Variants in USP13 observed in about 807,000 individuals in gnomAD.
USP13 encodes the protein ubiquitin specific peptidase 13.
Under a neutral mutation model 107.8 loss-of-function variants are expected in USP13, and 68 were observed. That is an observed-to-expected ratio of 0.63 (90% confidence interval 0.52 to 0.77). The LOEUF (loss-of-function observed/expected upper bound fraction) is 0.77. USP13 is among the 30% of genes least tolerant of loss of function. USP13 has a pLI of 0.00. For missense variants in USP13, 945 were observed against 1,093.3 expected (o/e 0.86, Z 1.91); for synonymous variants, 377 against 389.5 (o/e 0.97, Z 0.38).
intron 8 of USP13, among the ~76,000 whole-genome samples, chr3:179,723,354 GC>G (rs1713394294): frequency 6.6e-6 from 1 of 152,216 alleles, no homozygotes; most frequent in African/African-American, 2.4e-5. Context: ...TAAGCAGTGT[GC>G]TGAGTGTGTG....
At chr3:179,728,361 T>G (rs1156524992) in intron 8 of USP13, among the ~76,000 whole-genome samples, 4 of 114,996 alleles carry the variant, frequency 3.5e-5, no homozygotes, top group East Asian at 2.8e-4. Flanking sequence ...AGGGCAGAGG[T>G]GCTCCCCACA....
chr3:179,784,244 T>G lies in USP13; in HGVS notation c.*103T>G. On this transcript the variant is annotated 3_prime_UTR_variant, in exon 21 of 21. Coordinates refer to ENST00000263966, the MANE Select transcript of USP13 (RefSeq NM_003940.3). The stretch of plus-strand genomic sequence containing the variant: ...TGAAACAACTAGACATGAAGGAATA[T>G]ATGGGGTATTTATCGTTTATTTAAA... 3.3e-5 allele frequency: 27 copies of G among 825,486 alleles called. No homozygotes were observed. The highest frequency in any genetic ancestry group is 4.9e-5 in the Non-Finnish European group (25 of 510,748). The allele number at this position is 825,486 out of a possible 1,614,324, so 51.1% of individuals were successfully genotyped here.
intron 3 of USP13, among the ~76,000 whole-genome samples, chr3:179,698,938 C>T (rs936616328): frequency 1.0e-4 from 15 of 149,648 alleles, no homozygotes; most frequent in Admixed American, 4.7e-4. Context: ...GGTGCAATCT[C>T]GGCTCACTGC....
intron 13 of USP13, among the ~76,000 whole-genome samples, chr3:179,750,302 GTGTATATATATATATATATGTGTGTA>G (rs1274405875): frequency 2.2e-4 from 24 of 111,050 alleles, no homozygotes; most frequent in Admixed American, 3.9e-4. Flanking sequence ...ATATATGTGT[GTGTATATATATATATATATGTGTGTA>G]TATATATATA....
intron 2 of USP13, among the ~76,000 whole-genome samples, chr3:179,688,320 G>A (rs1262931791): frequency 2.0e-5 from 3 of 152,074 alleles, no homozygotes; most frequent in Non-Finnish European, 2.9e-5. Context: ...TTCCTCAAAT[G>A]AACTGCTCAT....
intron 10 of USP13, among the ~76,000 whole-genome samples, chr3:179,734,875 A>G (rs1030653073): frequency 6.6e-6 from 1 of 152,200 alleles, no homozygotes; most frequent in African/African-American, 2.4e-5. Flanking sequence ...CTGTGATGTG[A>G]TAAAAGCCTC....
At chr3:179,718,603 C>T (rs781443836) in intron 6 of USP13, among the ~76,000 whole-genome samples, 10 of 152,138 alleles carry the variant, frequency 6.6e-5, no homozygotes, top group Non-Finnish European at 1.3e-4. Context: ...TCTCTTCTGT[C>T]CTCTTCACCA....
At chr3:179,668,919 A>C (rs1720662749) in intron 1 of USP13, among the ~76,000 whole-genome samples, 1 of 152,334 alleles carries the variant, frequency 6.6e-6, no homozygotes, top group South Asian at 2.1e-4. Context: ...TCTAGAAGCG[A>C]GAATATACTG....
chr3:179,765,651 G>C (rs754302127), intron 18 of USP13, 44 bp from the exon 19 acceptor site: 2 of 1,604,030 alleles, frequency 1.2e-6, no homozygotes, highest in Admixed American at 3.4e-5. Flanking sequence ...TGAGGCCTGA[G>C]GCTGCATGCA....
chr3:179,765,653 C>T (rs898760445), intron 18 of USP13, 42 bp from the exon 19 acceptor site: 4 of 1,604,754 alleles, frequency 2.5e-6, no homozygotes, highest in Non-Finnish European at 3.4e-6. Flanking sequence ...AGGCCTGAGG[C>T]TGCATGCATT....
chr3:179,680,448 A>G (rs1222108645), intron 1 of USP13, among the ~76,000 whole-genome samples: 1 of 152,222 alleles, frequency 6.6e-6, no homozygotes, highest in Non-Finnish European at 1.5e-5. Context: ...AGAATGCTCC[A>G]AAATCTGAAA....
chr3:179,762,302 C>T (rs571259348), intron 17 of USP13, among the ~76,000 whole-genome samples: 3 of 152,296 alleles, frequency 2.0e-5, no homozygotes, highest in Admixed American at 2.0e-4. Flanking sequence ...TCTGTTGGGT[C>T]GGGTTTGGTG....
Position 179,784,108 on chromosome 3 carries a change from C to T in USP13, c.2559C>T (p.Gly853=), listed in dbSNP as rs371360955. 1.8e-5 allele frequency: 29 copies of T among 1,612,580 alleles called. No homozygotes were observed. In the East Asian group the frequency reaches 2.0e-4, roughly 11 times the overall value. Residue 853 remains glycine (G), a synonymous_variant, in exon 21 of 21, where the codon GGC becomes GGT. Transcript: ENST00000263966. The stretch of plus-strand genomic sequence containing the variant: ...CAGAAAGGCCCCCTAAAGACCTGGG[C>T]TACATGTACTTTTACCGCAGGATAC... ...CASERPPKDL[G]YMYFYRRIPS
chr3:179,655,288 G>A (rs1002350373), intron 1 of USP13, among the ~76,000 whole-genome samples: 1 of 152,032 alleles, frequency 6.6e-6, no homozygotes, highest in Non-Finnish European at 1.5e-5. Flanking sequence ...ACAGGTGTGG[G>A]AAAAAAGGCT....
At chr3:179,668,909 T>C (rs1720662211) in intron 1 of USP13, among the ~76,000 whole-genome samples, 1 of 152,226 alleles carries the variant, frequency 6.6e-6, no homozygotes, top group Non-Finnish European at 1.5e-5. Flanking sequence ...TCTGGTTTGC[T>C]CTAGAAGCGA....
rs905210433 is a variant in USP13, at chr3:179,676,853, G to C, written c.169-5025G>C. Among the ~76,000 whole-genome samples, 4 of 152,150 alleles carry C rather than the reference G, an allele frequency of 2.6e-5. No individual in the cohort carries two copies. The South Asian group carries it at 8.3e-4, about 32-fold the overall frequency. On this transcript the variant is annotated intron_variant, in intron 1 of 20. Coordinates refer to ENST00000263966, the MANE Select transcript of USP13 (RefSeq NM_003940.3). ...CACTACCTCTGTGGCCAGCCTTGGT[G>C]TCCAGTGGAACATGCCTGTTGATGT... is the stretch of plus-strand genomic sequence containing the variant.
intron 3 of USP13, among the ~76,000 whole-genome samples, chr3:179,696,287 G>A (rs1238178722): frequency 7.0e-6 from 1 of 142,446 alleles, no homozygotes; most frequent in Non-Finnish European, 1.5e-5. Context: ...ACTTAACCAA[G>A]TTTTTTTGAT....
chr3:179,693,846 G>T (rs1712193825), intron 3 of USP13, among the ~76,000 whole-genome samples: 1 of 151,304 alleles, frequency 6.6e-6, no homozygotes. Flanking sequence ...GCTAATTTTT[G>T]TATTTTTTTT....
At chr3:179,668,509 G>A (rs1720650860) in intron 1 of USP13, among the ~76,000 whole-genome samples, 1 of 152,100 alleles carries the variant, frequency 6.6e-6, no homozygotes, top group Non-Finnish European at 1.5e-5. Context: ...TGTTTTACTG[G>A]TGACCTGTTT....
Sources: allele counts gnomAD v4.1 joint callset (sites outside exome capture counted in the v4.1 genomes callset), GRCh38; gene constraint gnomAD v4.1.1; transcripts MANE v1.5; gene names NCBI Gene and HGNC (gene_info 2026-07-23, HGNC 2026-07-21).